The following CNNM2 variants were observed in gnomAD, a reference collection of about 807,000 sequenced individuals.
CNNM2 encodes metal transporter CNNM2.
CNNM2 carries 12 observed loss-of-function variants against 66.9 expected under a neutral mutation model. That is an observed-to-expected ratio of 0.18 (90% confidence interval 0.11 to 0.29). The LOEUF is 0.29. CNNM2 is among the 10% of genes least tolerant of loss of function. The pLI is 1.00. For synonymous variants in CNNM2, 557 were observed against 501.8 expected (o/e 1.11, Z -1.47); for missense variants, 705 against 1,167.7 (o/e 0.60, Z 5.77).
In CNNM2 at chr10:103,071,791, C is replaced by G; in HGVS notation, c.2185C>G (p.Arg729Gly). ...TASPVPLSLS[R>G]TFVVSRTELL... Reference sequence around the variant, plus strand: ...TTTTTCAGTTCCTTTGTCCCTGTCTCGTACCTTTGTTGTCAGCAGAACAGA... The same window carrying G: ...TTTTTCAGTTCCTTTGTCCCTGTCTGGTACCTTTGTTGTCAGCAGAACAGA... The change falls in exon 6 of 8, where the codon CGT becomes GGT. Residue 729 changes from arginine (R) to glycine (G), a missense_variant. Arg to Gly is a moderately radical substitution (Grantham distance 125, BLOSUM62 -2). Around this residue, in one of 9 missense-constraint regions of CNNM2, gnomAD observed 194 missense variants for 227.6 expected, o/e 0.85. Coordinates refer to ENST00000369878, the MANE Select transcript of CNNM2 (RefSeq NM_017649.5). 1 of 1,613,942 alleles carries G rather than the reference C, an allele frequency of 6.2e-7. No homozygotes were observed. The highest frequency in any genetic ancestry group is 8.5e-7 in the Non-Finnish European group (1 of 1,179,850).
chr10:102,987,447 A>G (rs2134237959), intron 1 of CNNM2, among the ~76,000 whole-genome samples: 1 of 152,058 alleles, frequency 6.6e-6, no homozygotes, highest in South Asian at 2.1e-4. Flanking sequence ...CAGCCTCCTG[A>G]GTAGCTGGGA....
At chr10:103,032,200 A>C (rs1433057586) in intron 1 of CNNM2, among the ~76,000 whole-genome samples, 3 of 152,204 alleles carry the variant, frequency 2.0e-5, no homozygotes, top group African/African-American at 7.2e-5. Context: ...CTGTAATCCC[A>C]GCACTTTGGG....
At chr10:103,060,958 A>G (rs1224514418) in intron 4 of CNNM2, among the ~76,000 whole-genome samples, 1 of 152,242 alleles carries the variant, frequency 6.6e-6, no homozygotes, top group Non-Finnish European at 1.5e-5. Flanking sequence ...ATAAAAGTCT[A>G]TTATTAAATA....
chr10:103,088,740 A>C lies in CNNM2; in HGVS notation c.*11560A>C, dbSNP rs1202387752. The C allele has an allele frequency of 5.6e-6, 1 of 179,382 alleles. No homozygotes were observed. The highest frequency in any genetic ancestry group is 2.4e-5 in the African/African-American group (1 of 42,356). The allele number at this position is 179,382 out of a possible 1,614,324, so 11.1% of individuals were successfully genotyped here. A position where few individuals can be genotyped will look rare whatever the true frequency, so the allele number is the denominator to read the frequency against. On this transcript the variant is annotated 3_prime_UTR_variant, in exon 8 of 8. Coordinates refer to ENST00000369878, the MANE Select transcript of CNNM2 (RefSeq NM_017649.5). ...TCACACTGATTGTGCCCTCTACTTT[A>C]GTAAGGTTCTGGCTTACAGAGCCCT... is the stretch of plus-strand genomic sequence containing the variant.
chr10:102,986,203 G>T (rs1473194109), intron 1 of CNNM2, among the ~76,000 whole-genome samples: 2 of 152,120 alleles, frequency 1.3e-5, no homozygotes, highest in African/African-American at 4.8e-5. Flanking sequence ...CTAGATATTT[G>T]ACAATCTAAG....
intron 1 of CNNM2, chr10:102,927,731 C>T (rs1394962292): frequency 4.6e-5 from 12 of 260,822 alleles, no homozygotes; most frequent in Middle Eastern, 2.6e-3. Context: ...CGTCACTGGA[C>T]GACAAAGTGA....
intron 1 of CNNM2, among the ~76,000 whole-genome samples, chr10:102,997,324 T>G (rs2064021899): frequency 6.6e-6 from 1 of 152,192 alleles, no homozygotes; most frequent in African/African-American, 2.4e-5. Context: ...TTTCAGAATC[T>G]TAGTATTTTG....
Position 102,920,024 on chromosome 10 carries a change from C to T in CNNM2, c.1544C>T (p.Thr515Ile). 1 of 1,614,224 alleles carries T rather than the reference C, an allele frequency of 6.2e-7. No individual in the cohort carries two copies. Among genetic ancestry groups the T allele is most frequent in the Non-Finnish European group, 8.5e-7 (1 of 1,180,048 alleles). ...GACTGTACCCCCCTGAAAACCATCA[C>T]CAAATTTTATAACCACCCCTTGCAC... ...PDDCTPLKTI[T>I]KFYNHPLHFV... The change falls in exon 1 of 8, where the codon ACC becomes ATC. Residue 515 changes from threonine to isoleucine, a missense_variant. This residue lies in a region of CNNM2 where 171 missense variants were observed against 304.8 expected (regional missense o/e 0.56). Coordinates refer to ENST00000369878, the MANE Select transcript of CNNM2 (RefSeq NM_017649.5).
At chr10:102,976,425 C>CTTTTT (rs1206577839) in intron 1 of CNNM2, among the ~76,000 whole-genome samples, 706 of 34,720 alleles carry the variant, frequency 0.02, 143 homozygotes, top group Non-Finnish European at 0.028. Flanking sequence ...CAATTCTTGC[C>CTTTTT]TTTTTTTTTT....
intron 5 of CNNM2, among the ~76,000 whole-genome samples, chr10:103,071,257 C>G (rs1265616562): frequency 6.6e-6 from 1 of 152,148 alleles, no homozygotes; most frequent in African/African-American, 2.4e-5. Context: ...TCTGTGTATG[C>G]GTTCTTTACT....
At chr10:103,019,485 G>A (rs1161414078) in intron 1 of CNNM2, among the ~76,000 whole-genome samples, 1 of 152,168 alleles carries the variant, frequency 6.6e-6, no homozygotes, top group Admixed American at 6.5e-5. Flanking sequence ...GTAAAGTAGA[G>A]TGATAGCAGG....
rs182816025 is a variant in CNNM2, at chr10:103,049,513, G to A, written c.1622-194G>A. Among the ~76,000 whole-genome samples, 515 of 152,304 alleles carry A rather than the reference G, an allele frequency of 3.4e-3. 3 individuals carry two copies. The highest frequency in any genetic ancestry group is 7.7e-3 in the South Asian group (37 of 4,824). On this transcript the variant is annotated intron_variant, in intron 1 of 7. Transcript: ENST00000369878. ...ATGTGGAGGGTGACGCTCTTCTGGC[G>A]TAACTTTCTGCCTTTTAATGGCTCT...
intron 1 of CNNM2, among the ~76,000 whole-genome samples, chr10:102,946,747 A>G (rs769810136): frequency 6.6e-6 from 1 of 152,164 alleles, no homozygotes; most frequent in African/African-American, 2.4e-5. Context: ...TTACTTCACT[A>G]TTTTGATTTG....
chr10:103,069,472 A>G (rs1399464050), intron 5 of CNNM2, among the ~76,000 whole-genome samples: 1 of 152,036 alleles, frequency 6.6e-6, no homozygotes, highest in African/African-American at 2.4e-5. Context: ...AAATGTTAGC[A>G]GTTTGGGAGG....
At position 102,944,358 on chromosome 10, in the gene CNNM2, G is replaced by A. The variant is rs927671049; in HGVS notation, c.1621+24257G>A. On this transcript the variant is annotated intron_variant, in intron 1 of 7. Coordinates refer to ENST00000369878, the MANE Select transcript of CNNM2 (RefSeq NM_017649.5). ...CTCCCAAAGTGCTGGGATTACAGGC[G>A]TGAGCCATCGTGCCTGGCCTGCTTT... is the stretch of plus-strand genomic sequence containing the variant. 9.2e-5 allele frequency among the ~76,000 whole-genome samples: 14 copies of A among 152,202 alleles called. No homozygotes were observed. The Middle Eastern group carries it at 0.01, about 111-fold the overall frequency.
At chr10:103,072,583 T>G (rs2134365857) in intron 6 of CNNM2, among the ~76,000 whole-genome samples, 1 of 152,314 alleles carries the variant, frequency 6.6e-6, no homozygotes, top group Non-Finnish European at 1.5e-5. Context: ...CCCGGCACAT[T>G]CCTATCCCGC....
At position 102,984,002 on chromosome 10, in the gene CNNM2, C is replaced by T. The variant is rs1055690115; in HGVS notation, c.1621+63901C>T. 3.3e-5 allele frequency among the ~76,000 whole-genome samples: 5 copies of T among 150,242 alleles called. No individual in the cohort carries two copies. The East Asian group carries it at 6.0e-4, about 18-fold the overall frequency. ...AACTCCTGACTTCAGGTGATCCACC[C>T]GCCTTGGCCTCCCAAAGTGCTGGGA... On this transcript the variant is annotated intron_variant, in intron 1 of 7. Transcript: ENST00000369878.
At chr10:102,978,366 T>C (rs2063670234) in intron 1 of CNNM2, among the ~76,000 whole-genome samples, 2 of 152,118 alleles carry the variant, frequency 1.3e-5, no homozygotes, top group Admixed American at 1.3e-4. Flanking sequence ...TCTTTCCAGT[T>C]GTCAGGGTAA....
At chr10:102,956,811 G>A (rs1224012248) in intron 1 of CNNM2, among the ~76,000 whole-genome samples, 1 of 152,014 alleles carries the variant, frequency 6.6e-6, no homozygotes, top group African/African-American at 2.4e-5. Flanking sequence ...CACACACTGG[G>A]GCCTGTCATG....
Sources: gnomAD v4.1 joint callset for allele counts (sites outside exome capture counted in the v4.1 genomes callset) on GRCh38, gnomAD v4.1.1 for gene constraint, gnomAD v4.1.1 regional missense constraint, MANE v1.5 for transcripts, NCBI Gene and HGNC (gene_info 2026-07-23, HGNC 2026-07-21) for gene names.